Variants in KANK4 observed in about 807,000 individuals in gnomAD.
KANK4 encodes KN motif and ankyrin repeat domains 4.
Under a neutral mutation model 80.8 loss-of-function variants are expected in KANK4, and 50 were observed. The observed-to-expected ratio is 0.62, with a 90% CI of 0.49 to 0.78. The LOEUF (loss-of-function observed/expected upper bound fraction) is 0.78, where lower values mean the gene tolerates loss of function less well. Ranked by LOEUF, KANK4 falls within the 30% of genes least tolerant of loss-of-function variation. KANK4 has a pLI of 0.00. For synonymous variants in KANK4, 465 were observed against 506.9 expected (o/e 0.92, Z 1.11); for missense variants, 1,196 against 1,240.1 (o/e 0.96, Z 0.53).
Position 62,238,299 on chromosome 1 carries a change from T to C in KANK4, c.2966A>G (p.Gln989Arg), listed in dbSNP as rs765361445. Residue 989 changes from glutamine to arginine, a missense_variant, in exon 10 of 10, where the codon CAG becomes CGG. Transcript: ENST00000371153. ...IAGLLRAHAE[Q>R]GRSLGL ...CCCCTACAGCCCCAGGGACCTGCCCTGCTCCGCGTGGGCTCTCAGAAGCCC... is the reference window on the plus strand; with the variant it reads ...CCCCTACAGCCCCAGGGACCTGCCCCGCTCCGCGTGGGCTCTCAGAAGCCC... 1.8e-5 allele frequency: 29 copies of C among 1,613,776 alleles called. No individual in the cohort carries two copies. The highest frequency in any genetic ancestry group is 6.7e-5 in the Admixed American group (4 of 59,988).
intron 1 of KANK4, among the ~76,000 whole-genome samples, chr1:62,318,577 G>A (rs1644561551): frequency 6.6e-6 from 1 of 152,238 alleles, no homozygotes; most frequent in Non-Finnish European, 1.5e-5. Context: ...CAGGGGCCGA[G>A]GAGTGCCAGG....
intron 1 of KANK4, among the ~76,000 whole-genome samples, chr1:62,304,073 G>T (rs777753349): frequency 6.6e-6 from 1 of 151,742 alleles, no homozygotes. Context: ...CAGGGTTTCC[G>T]CATGTTGGCC....
intron 2 of KANK4, among the ~76,000 whole-genome samples, chr1:62,277,986 T>C (rs1163811478): frequency 6.6e-6 from 1 of 152,088 alleles, no homozygotes. Context: ...GCAGCTGATA[T>C]GGCCAGTACT....
chr1:62,290,232 G>A (rs1187687192), intron 1 of KANK4, among the ~76,000 whole-genome samples: 1 of 152,022 alleles, frequency 6.6e-6, no homozygotes, highest in Non-Finnish European at 1.5e-5. Context: ...CTATACAAAC[G>A]TCCATTGACT....
intron 1 of KANK4, among the ~76,000 whole-genome samples, chr1:62,312,697 A>G (rs1644507236): frequency 6.6e-6 from 1 of 152,240 alleles, no homozygotes. Flanking sequence ...ACCTGCCAAG[A>G]CAGAGACTGG....
intron 1 of KANK4, among the ~76,000 whole-genome samples, chr1:62,285,634 G>C (rs897437468): frequency 6.6e-6 from 1 of 152,146 alleles, no homozygotes. Context: ...TCCTTGAAAA[G>C]ACAGCTTGGC....
rs756359946 is a variant in KANK4 at position 62,271,531 on chromosome 1, A to G, written c.1959T>C (p.Arg653=). The G allele has an allele frequency of 2.5e-6, 4 of 1,614,170 alleles. No homozygotes were observed. In the East Asian group the frequency reaches 8.9e-5, roughly 36 times the overall value. The change falls in exon 4 of 10, where the codon CGT becomes CGC. Residue 653 remains arginine, a synonymous_variant. Coordinates refer to ENST00000371153, the MANE Select transcript of KANK4 (RefSeq NM_181712.5). ...TCTTTTTGGTCCCATTACCTCCTGC[A>G]CGGAAGCCATAGTCTTTCTTTTTCA... ...SIMKKKDYGF[R]AGGNGTKKNL...
chr1:62,243,190 C>A (rs560004277), intron 9 of KANK4, among the ~76,000 whole-genome samples: 1 of 152,154 alleles, frequency 6.6e-6, no homozygotes, highest in Non-Finnish European at 1.5e-5. Context: ...TACAGCCTAC[C>A]CGAACTCCAG....
At chr1:62,312,658 A>G (rs905478909) in intron 1 of KANK4, among the ~76,000 whole-genome samples, 1 of 152,210 alleles carries the variant, frequency 6.6e-6, no homozygotes, top group African/African-American at 2.4e-5. Flanking sequence ...CCCCTGCCAC[A>G]GTGGCATCCC....
chr1:62,283,769 CAGCCT>C (rs751763909), intron 1 of KANK4, among the ~76,000 whole-genome samples: 5 of 152,196 alleles, frequency 3.3e-5, no homozygotes, highest in Non-Finnish European at 7.3e-5. Context: ...CTCTCATCAT[CAGCCT>C]AGGGACTTTT....
At chr1:62,279,365 C>T (rs769490913) in intron 2 of KANK4, among the ~76,000 whole-genome samples, 3 of 152,216 alleles carry the variant, frequency 2.0e-5, no homozygotes, top group African/African-American at 4.8e-5. Flanking sequence ...AGAGACTACC[C>T]TCACATGCGG....
chr1:62,263,099 C>T lies in KANK4; in HGVS notation c.2532G>A (p.Leu844=). Residue 844 remains leucine (L), a synonymous_variant, in exon 7 of 10, where the codon CTG becomes CTA. Coordinates refer to ENST00000371153, the MANE Select transcript of KANK4 (RefSeq NM_181712.5). ...AATGCAACCACTTCTGACCTGTCTC[C>T]AGCAGCAGCTTCACGATGGAGAAGT... The part of the protein sequence containing the change: ...HSNFSIVKLL[L]ETGVCNVDHQ... 6.2e-7 allele frequency: 1 copy of T among 1,611,768 alleles called. No homozygotes were observed. The highest frequency in any genetic ancestry group is 8.5e-7 in the Non-Finnish European group (1 of 1,178,478).
At chr1:62,301,914 TG>T (rs1207935838) in intron 1 of KANK4, among the ~76,000 whole-genome samples, 1 of 150,878 alleles carries the variant, frequency 6.6e-6, no homozygotes, top group African/African-American at 2.4e-5. Context: ...ACCACGTGGT[TG>T]GGGGTGGGGG....
intron 9 of KANK4, among the ~76,000 whole-genome samples, chr1:62,246,065 T>C (rs568647237): frequency 6.6e-6 from 1 of 152,046 alleles, no homozygotes; most frequent in East Asian, 1.9e-4. Context: ...TTGAGCAAAG[T>C]GGGGCAGCAG....
chr1:62,272,094 G>A (rs17123307), intron 3 of KANK4: 16,780 of 153,298 alleles, frequency 0.11, 1,355 homozygotes, highest in African/African-American at 0.23. Context: ...CAGGACAGGA[G>A]GCGGCTCCCA....
intron 9 of KANK4, among the ~76,000 whole-genome samples, chr1:62,242,260 G>T (rs1448835371): frequency 1.3e-5 from 2 of 150,954 alleles, no homozygotes; most frequent in Admixed American, 1.3e-4. Flanking sequence ...ACTTTGGGAG[G>T]CTGAGGCGGG....
chr1:62,245,228 C>T (rs948755110), intron 9 of KANK4, among the ~76,000 whole-genome samples: 1 of 152,206 alleles, frequency 6.6e-6, no homozygotes, highest in Non-Finnish European at 1.5e-5. Flanking sequence ...CTTTGTTTGA[C>T]CACATAATGT....
chr1:62,288,614 G>T (rs1672618722), intron 1 of KANK4, among the ~76,000 whole-genome samples: 1 of 152,180 alleles, frequency 6.6e-6, no homozygotes, highest in Non-Finnish European at 1.5e-5. Context: ...ATCCAGGAGG[G>T]AAATCAGCTA....
intron 7 of KANK4, among the ~76,000 whole-genome samples, chr1:62,257,480 C>T (rs1671778949): frequency 6.6e-6 from 1 of 152,206 alleles, no homozygotes; most frequent in African/African-American, 2.4e-5. Flanking sequence ...AGGCTCTCGA[C>T]AGAGCATCCT....
Sources: gnomAD v4.1 joint callset for allele counts (sites outside exome capture counted in the v4.1 genomes callset) on GRCh38, gnomAD v4.1.1 for gene constraint, MANE v1.5 for transcripts, NCBI Gene and HGNC (gene_info 2026-07-23, HGNC 2026-07-21) for gene names.